The following UNC13C variants were observed in gnomAD, a reference collection of about 807,000 sequenced individuals.
UNC13C encodes the protein protein unc-13 homolog C.
UNC13C carries 174 observed loss-of-function variants against 245.4 expected under a neutral mutation model. The ratio of observed to expected loss-of-function variants is 0.71; its 90% confidence interval spans 0.63 to 0.80. The LOEUF is 0.80. Among genes scored for constraint, UNC13C ranks in the 30% least tolerant of loss-of-function variants. The probability of loss-of-function intolerance (pLI) is 0.00; values close to 1 mark genes in which losing one functional copy is unlikely to be tolerated. For missense variants in UNC13C, 2,829 were observed against 2,602.9 expected (o/e 1.09, Z -1.89); for synonymous variants, 992 against 895.1 (o/e 1.11, Z -1.93).
chr15:54,337,424 G>A (rs1332073567), intron 16 of UNC13C, among the ~76,000 whole-genome samples: 4 of 152,032 alleles, frequency 2.6e-5, no homozygotes, highest in African/African-American at 4.8e-5. Flanking sequence ...AAACTGTTCA[G>A]AATTGACTCC....
rs115921031 is a variant in UNC13C, at chr15:54,003,735, G to A, written c.-256-8913G>A. ...ATTAAACTCTTGCTGACTATAGGCCGGGCGCGGTGGCTTAAGCCTGTAATC... is the reference window on the plus strand; with the variant it reads ...ATTAAACTCTTGCTGACTATAGGCCAGGCGCGGTGGCTTAAGCCTGTAATC... On this transcript the variant is annotated intron_variant, in intron 1 of 32. Coordinates refer to ENST00000260323, the MANE Select transcript of UNC13C (RefSeq NM_001080534.3). Among the ~76,000 whole-genome samples, 1,340 of 152,160 alleles carry A rather than the reference G, an allele frequency of 8.8e-3. 18 individuals are homozygous for A. Among genetic ancestry groups the A allele is most frequent in the African/African-American group, 0.031 (1,285 of 41,502 alleles).
At chr15:53,999,800 T>C (rs991470092) in intron 1 of UNC13C, among the ~76,000 whole-genome samples, 2 of 152,102 alleles carry the variant, frequency 1.3e-5, no homozygotes, top group Admixed American at 6.5e-5. Context: ...ATGGATTATT[T>C]AGAAGAATGT....
intron 4 of UNC13C, among the ~76,000 whole-genome samples, chr15:54,208,937 G>A (rs1181329101): frequency 1.2e-4 from 18 of 152,174 alleles, no homozygotes; most frequent in Non-Finnish European, 2.4e-4. Flanking sequence ...TCTGTGTGAC[G>A]CAAGTCTCCA....
At chr15:54,566,817 C>G (rs1351368858) in intron 29 of UNC13C, among the ~76,000 whole-genome samples, 4 of 152,092 alleles carry the variant, frequency 2.6e-5, no homozygotes, top group African/African-American at 9.7e-5. Flanking sequence ...GACACATACC[C>G]ATTTAGGAGA....
At chr15:54,358,829 A>G in intron 17 of UNC13C, among the ~76,000 whole-genome samples, 1 of 151,976 alleles carries the variant, frequency 6.6e-6, no homozygotes, top group Non-Finnish European at 1.5e-5. Flanking sequence ...CAATTCCTAT[A>G]GCTAAGACTT....
At chr15:54,035,046 A>G (rs1335814560) in intron 2 of UNC13C, among the ~76,000 whole-genome samples, 1 of 152,206 alleles carries the variant, frequency 6.6e-6, no homozygotes, top group Non-Finnish European at 1.5e-5. Context: ...TATTTAGCAA[A>G]GTTTTAACAT....
At chr15:54,139,287 T>G (rs2031898269) in intron 2 of UNC13C, among the ~76,000 whole-genome samples, 1 of 151,896 alleles carries the variant, frequency 6.6e-6, no homozygotes, top group Admixed American at 6.6e-5. Flanking sequence ...AGAACACCAA[T>G]CACAGTGGAT....
chr15:54,239,942 A>T (rs12441013), intron 7 of UNC13C, among the ~76,000 whole-genome samples: 82,696 of 152,064 alleles, frequency 0.54, 23,921 homozygotes, highest in African/African-American at 0.74. Flanking sequence ...CCTACACTGT[A>T]CCTTTCTTAT....
the UNC13C span, among the ~76,000 whole-genome samples, chr15:53,865,758 T>C: frequency 1.4e-4 from 21 of 152,170 alleles, no homozygotes; most frequent in African/African-American, 5.1e-4. Flanking sequence ...TATTTTAATA[T>C]AGCTTTGAAA....
chr15:53,892,039 C>T, the UNC13C span, among the ~76,000 whole-genome samples: 1 of 151,264 alleles, frequency 6.6e-6, no homozygotes, highest in South Asian at 2.1e-4. Flanking sequence ...TTCAGGAGCT[C>T]TTGTAAGGCA....
intron 7 of UNC13C, among the ~76,000 whole-genome samples, chr15:54,238,957 G>A (rs2035780165): frequency 6.6e-6 from 1 of 152,140 alleles, no homozygotes; most frequent in Non-Finnish European, 1.5e-5. Flanking sequence ...TAGTTTGGGT[G>A]AAAGCGATTT....
intron 1 of UNC13C, among the ~76,000 whole-genome samples, chr15:54,003,788 G>A (rs1484124717): frequency 6.6e-6 from 1 of 152,144 alleles, no homozygotes; most frequent in African/African-American, 2.4e-5. Flanking sequence ...CGAGGAGGGT[G>A]GATCACGAGG....
At chr15:54,220,568 T>C (rs1032019039) in intron 4 of UNC13C, among the ~76,000 whole-genome samples, 1 of 151,526 alleles carries the variant, frequency 6.6e-6, no homozygotes, top group Non-Finnish European at 1.5e-5. Context: ...GCACATTGTG[T>C]ACATGTACCC....
chr15:54,011,886 G>A (rs1345159621), intron 1 of UNC13C, among the ~76,000 whole-genome samples: 1 of 152,156 alleles, frequency 6.6e-6, no homozygotes, highest in Non-Finnish European at 1.5e-5. Context: ...GCAGATTTCT[G>A]AGACAATCTG....
intron 27 of UNC13C, among the ~76,000 whole-genome samples, chr15:54,549,174 T>A (rs929444527): frequency 1.3e-5 from 2 of 152,138 alleles, no homozygotes; most frequent in Admixed American, 6.6e-5. Context: ...AGAGAAAGCC[T>A]CTGGCTGAGG....
At chr15:54,543,586 G>C (rs1251114683) in intron 26 of UNC13C, among the ~76,000 whole-genome samples, 4 of 151,812 alleles carry the variant, frequency 2.6e-5, no homozygotes, top group African/African-American at 9.7e-5. Context: ...GAATCAAATA[G>C]ATACAATAAA....
Position 54,240,967 on chromosome 15 carries a change from G to C in UNC13C, c.3228+3277G>C, listed in dbSNP as rs187658277. On this transcript the variant is annotated intron_variant, in intron 7 of 32. Coordinates refer to ENST00000260323, the MANE Select transcript of UNC13C (RefSeq NM_001080534.3). ...GGTGTTGTTTCAGACTGGAAATAAA[G>C]TAGCGAACAACTCAGCCAAAAATCT... Among the ~76,000 whole-genome samples, 15 of 152,254 alleles carry C rather than the reference G, an allele frequency of 9.9e-5. No homozygotes were observed. In the East Asian group the frequency reaches 2.5e-3, roughly 26 times the overall value.
chr15:54,333,335 G>GT (rs1040036043), intron 15 of UNC13C, among the ~76,000 whole-genome samples: 1 of 151,796 alleles, frequency 6.6e-6, no homozygotes, highest in Admixed American at 6.6e-5. Flanking sequence ...AACTTTTAAA[G>GT]TTTTTTTGTG....
intron 7 of UNC13C, among the ~76,000 whole-genome samples, chr15:54,241,997 C>A (rs190603903): frequency 5.9e-5 from 9 of 152,288 alleles, no homozygotes; most frequent in Admixed American, 5.9e-4. Context: ...TACAATTTAC[C>A]TTCTGTAGGG....
Sources: gnomAD v4.1 joint callset for allele counts (sites outside exome capture counted in the v4.1 genomes callset) on GRCh38, gnomAD v4.1.1 for gene constraint, MANE v1.5 for transcripts, NCBI Gene and HGNC (gene_info 2026-07-23, HGNC 2026-07-21) for gene names.